SAMD12: variants seen among roughly 807,000 people sequenced by gnomAD.
SAMD12 encodes the protein sterile alpha motif domain-containing protein 12.
Under a neutral mutation model 15.0 loss-of-function variants are expected in SAMD12, and 9 were observed. The observed-to-expected ratio is 0.60, with a 90% CI of 0.36 to 1.05. The LOEUF (loss-of-function observed/expected upper bound fraction) is 1.05. Ranked by LOEUF, SAMD12 falls within the 50% of genes least tolerant of loss-of-function variation. The pLI is 0.01. For synonymous variants in SAMD12, 86 were observed against 90.1 expected (o/e 0.96, Z 0.25); for missense variants, 230 against 234.2 (o/e 0.98, Z 0.12).
At chr8:118,228,938 G>A (rs1812244977) in intron 4 of SAMD12, among the ~76,000 whole-genome samples, 1 of 152,084 alleles carries the variant, frequency 6.6e-6, no homozygotes, top group South Asian at 2.1e-4. Flanking sequence ...ACATATGTAC[G>A]GTGGAATACT....
intron 2 of SAMD12, among the ~76,000 whole-genome samples, chr8:118,554,155 C>G (rs534505231): frequency 6.6e-6 from 1 of 152,106 alleles, no homozygotes; most frequent in Non-Finnish European, 1.5e-5. Flanking sequence ...ACTAGAAATA[C>G]CATTTGACCC....
At chr8:118,234,710 C>CAAAAAAAA (rs10647591) in intron 4 of SAMD12, among the ~76,000 whole-genome samples, 15 of 105,572 alleles carry the variant, frequency 1.4e-4, no homozygotes, top group Admixed American at 3.4e-4. Flanking sequence ...GACTCCATCT[C>CAAAAAAAA]AAAAAAAAAA....
At chr8:118,141,435 G>A in the SAMD12 span, among the ~76,000 whole-genome samples, 1 of 152,274 alleles carries the variant, frequency 6.6e-6, no homozygotes, top group South Asian at 2.1e-4. Flanking sequence ...TTTTACCCTG[G>A]TGGAAAATGA....
Position 118,621,927 on chromosome 8 carries a change from TC to T in SAMD12, c.-112del. On this transcript the variant is annotated 5_prime_UTR_variant, in exon 1 of 4. Transcript: ENST00000314727. ...GCCTAAATATTCTGCGCTTATCTGC[TC>T]CAGGACCAACCTGCCGCGGTCACGC... 7.7e-7 allele frequency: 1 copy of T among 1,306,040 alleles called. No individual in the cohort carries two copies. The highest frequency in any genetic ancestry group is 1.1e-6 in the Non-Finnish European group (1 of 900,684). 80.9% of individuals were successfully genotyped at this position (1,306,040 alleles called of 1,614,324 possible).
At chr8:118,610,584 T>C (rs981965024) in intron 1 of SAMD12, among the ~76,000 whole-genome samples, 1 of 152,082 alleles carries the variant, frequency 6.6e-6, no homozygotes, top group Non-Finnish European at 1.5e-5. Flanking sequence ...TTTTAGAGAG[T>C]GGGCATAAAG....
At chr8:118,343,469 G>A (rs534787731) in intron 4 of SAMD12, among the ~76,000 whole-genome samples, 2 of 152,114 alleles carry the variant, frequency 1.3e-5, no homozygotes, top group East Asian at 3.9e-4. Context: ...GCCCTATTTC[G>A]GTTAACATGG....
At chr8:118,547,989 C>A (rs1030730896) in intron 2 of SAMD12, among the ~76,000 whole-genome samples, 4 of 152,124 alleles carry the variant, frequency 2.6e-5, no homozygotes, top group Non-Finnish European at 5.9e-5. Context: ...AATATTCAAG[C>A]TGAAAAGGTC....
At chr8:118,613,552 G>C (rs577942738) in intron 1 of SAMD12, among the ~76,000 whole-genome samples, 103 of 152,176 alleles carry the variant, frequency 6.8e-4, no homozygotes, top group African/African-American at 2.4e-3. Context: ...AAAATATTTA[G>C]AGCATCTCTT....
rs199686119 is a variant in SAMD12, at chr8:118,577,406, C to CA, written c.192+3308dup. 6.1e-3 allele frequency among the ~76,000 whole-genome samples: 923 copies of CA among 152,250 alleles called. 2 individuals are homozygous for CA. Among genetic ancestry groups the CA allele is most frequent in the African/African-American group, 0.021 (860 of 41,526 alleles). ...TTCAGTGTCAACAGGGTAGATTAAG[C>CA]ACATGCTACAATCCTCCCCCAATCC... On this transcript the variant is annotated intron_variant, in intron 2 of 3. Coordinates refer to ENST00000314727, the MANE Select transcript of SAMD12 (RefSeq NM_207506.3).
At chr8:118,398,745 G>C (rs1025839941) in intron 3 of SAMD12, among the ~76,000 whole-genome samples, 1 of 152,110 alleles carries the variant, frequency 6.6e-6, no homozygotes, top group African/African-American at 2.4e-5. Context: ...GGAACTTTGG[G>C]AAGTGATAGT....
chr8:118,146,058 G>C, the SAMD12 span, among the ~76,000 whole-genome samples: 4 of 152,248 alleles, frequency 2.6e-5, no homozygotes, highest in Admixed American at 2.0e-4. Flanking sequence ...TTTAGGTCCA[G>C]TAAGGGTAAT....
At chr8:118,442,886 T>C (rs1230654827) in intron 2 of SAMD12, among the ~76,000 whole-genome samples, 1 of 152,200 alleles carries the variant, frequency 6.6e-6, no homozygotes, top group Non-Finnish European at 1.5e-5. Context: ...AACTTTTTCC[T>C]TCTTGGAAGA....
chr8:118,620,139 C>T (rs1828354968), intron 1 of SAMD12, among the ~76,000 whole-genome samples: 1 of 152,102 alleles, frequency 6.6e-6, no homozygotes, highest in Admixed American at 6.5e-5. Context: ...AGAAATAAGA[C>T]AAATTTATAC....
the SAMD12 span, among the ~76,000 whole-genome samples, chr8:118,160,784 C>CT: frequency 2.6e-5 from 4 of 151,940 alleles, no homozygotes; most frequent in African/African-American, 4.8e-5. Context: ...GCAAATATTT[C>CT]TTTTTTTTAA....
exon 5 of SAMD12, chr8:118,191,008 T>C (rs1819354301): frequency 6.6e-6 from 1 of 152,204 alleles, no homozygotes; most frequent in Non-Finnish European, 1.5e-5. Context: ...TCTAAAATTT[T>C]GTGCAAAGCT....
At chr8:118,285,147 T>C (rs893263044) in intron 4 of SAMD12, among the ~76,000 whole-genome samples, 6 of 151,990 alleles carry the variant, frequency 3.9e-5, no homozygotes, top group African/African-American at 1.2e-4. Flanking sequence ...TCTTTCTTTC[T>C]TTCTTTTTTT....
intron 3 of SAMD12, among the ~76,000 whole-genome samples, chr8:118,405,137 A>G (rs916760582): frequency 4.6e-5 from 7 of 152,230 alleles, no homozygotes; most frequent in Non-Finnish European, 1.5e-5. Flanking sequence ...GAACTATCCT[A>G]CAATACTGGT....
At chr8:118,213,891 G>T (rs1811896107) in intron 4 of SAMD12, among the ~76,000 whole-genome samples, 1 of 152,066 alleles carries the variant, frequency 6.6e-6, no homozygotes, top group African/African-American at 2.4e-5. Flanking sequence ...GGTCAATTCT[G>T]GTCGGTTCAG....
At chr8:118,165,106 T>G in the SAMD12 span, among the ~76,000 whole-genome samples, 8 of 151,752 alleles carry the variant, frequency 5.3e-5, no homozygotes, top group Admixed American at 6.6e-5. Context: ...ATCCCACAGG[T>G]TAAGGGCTCA....
Sources: gnomAD v4.1 joint callset for allele counts (sites outside exome capture counted in the v4.1 genomes callset) on GRCh38, gnomAD v4.1.1 for gene constraint, MANE v1.5 for transcripts, NCBI Gene and HGNC (gene_info 2026-07-23, HGNC 2026-07-21) for gene names.